MAGI2: variants seen among roughly 807,000 people sequenced by gnomAD.
MAGI2 encodes membrane-associated guanylate kinase, WW and PDZ domain-containing protein 2.
Under a neutral mutation model 133.3 loss-of-function variants are expected in MAGI2, and 35 were observed. The ratio of observed to expected loss-of-function variants is 0.26; its 90% CI spans 0.20 to 0.35. MAGI2 has a LOEUF of 0.35. MAGI2 is among the 10% of genes least tolerant of loss of function. MAGI2 has a pLI of 1.00. For synonymous variants in MAGI2, 729 were observed against 710.6 expected (o/e 1.03, Z -0.41); for missense variants, 1,636 against 1,863.4 (o/e 0.88, Z 2.25).
At chr7:78,685,468 T>A (rs961277291) in intron 2 of MAGI2, among the ~76,000 whole-genome samples, 7 of 9,770 alleles carry the variant, frequency 7.2e-4, no homozygotes, top group Non-Finnish European at 1.1e-3. Context: ...TCATTGTCGT[T>A]TTTTTTTTTT....
chr7:78,574,179 A>G (rs1400623484), intron 3 of MAGI2, among the ~76,000 whole-genome samples: 1 of 152,200 alleles, frequency 6.6e-6, no homozygotes, highest in African/African-American at 2.4e-5. Flanking sequence ...ACCTTCAGCA[A>G]GCCCCAGTGC....
intron 2 of MAGI2, among the ~76,000 whole-genome samples, chr7:78,903,172 C>CTTTTTTTTTTTTTTTTTTTTTTTTTT (rs10526268): frequency 1.8e-5 from 1 of 56,120 alleles, no homozygotes; most frequent in Non-Finnish European, 3.2e-5. Context: ...GTTCCTGAAT[C>CTTTTTTTTTTTTTTTTTTTTTTTTTT]TTTTTTTTTT....
At chr7:79,386,311 A>G (rs1736992598) in intron 1 of MAGI2, among the ~76,000 whole-genome samples, 1 of 152,036 alleles carries the variant, frequency 6.6e-6, no homozygotes, top group African/African-American at 2.4e-5. Flanking sequence ...ATGCCCAGTC[A>G]CTTCTGGTGA....
At chr7:79,119,445 G>A (rs939831695) in intron 1 of MAGI2, among the ~76,000 whole-genome samples, 3 of 152,036 alleles carry the variant, frequency 2.0e-5, no homozygotes, top group South Asian at 2.1e-4. Flanking sequence ...CAATCTGGCC[G>A]AGATTGTAAA....
chr7:78,083,507 CA>C (rs973683756), intron 20 of MAGI2, among the ~76,000 whole-genome samples: 8 of 151,302 alleles, frequency 5.3e-5, no homozygotes, highest in Non-Finnish European at 1.0e-4. Context: ...TTATGTGGGT[CA>C]AGGAAATGCC....
chr7:78,447,461 C>T (rs1338561651), intron 6 of MAGI2, among the ~76,000 whole-genome samples: 1 of 151,440 alleles, frequency 6.6e-6, no homozygotes, highest in East Asian at 1.9e-4. Flanking sequence ...TAGAAATTAT[C>T]TGGGATAATG....
chr7:78,081,159 C>T (rs1428299792), intron 20 of MAGI2, among the ~76,000 whole-genome samples: 1 of 152,162 alleles, frequency 6.6e-6, no homozygotes. Flanking sequence ...CGACTCTATG[C>T]TCTTCACAAG....
chr7:79,292,079 T>A (rs948893028), intron 1 of MAGI2, among the ~76,000 whole-genome samples: 26 of 152,196 alleles, frequency 1.7e-4, no homozygotes, highest in Non-Finnish European at 3.7e-4. Flanking sequence ...TTAATTTTTA[T>A]ATGTGATGTG....
chr7:79,446,981 A>C (rs531063867), intron 1 of MAGI2, among the ~76,000 whole-genome samples: 1 of 152,306 alleles, frequency 6.6e-6, no homozygotes. Flanking sequence ...GTGAAAAAAT[A>C]AAAGTACATC....
intron 2 of MAGI2, among the ~76,000 whole-genome samples, chr7:78,911,965 G>C (rs1010112602): frequency 2.6e-5 from 4 of 152,006 alleles, no homozygotes; most frequent in African/African-American, 9.7e-5. Context: ...TGTCTTTTAC[G>C]GGAACACAGA....
intron 2 of MAGI2, among the ~76,000 whole-genome samples, chr7:78,827,359 G>A (rs538158913): frequency 6.6e-6 from 1 of 152,176 alleles, no homozygotes; most frequent in South Asian, 2.1e-4. Flanking sequence ...GCTCACTGCA[G>A]CCTCAAACTC....
rs990368568 is a variant in MAGI2 at position 78,382,626 on chromosome 7, G to T, written c.1046-13413C>A. 8.6e-5 allele frequency among the ~76,000 whole-genome samples: 13 copies of T among 152,016 alleles called. No homozygotes were observed. The East Asian group carries it at 2.3e-3, about 27-fold the overall frequency. On this transcript the variant is annotated intron_variant, in intron 6 of 21. Coordinates refer to ENST00000354212, the MANE Select transcript of MAGI2 (RefSeq NM_012301.4). ...TATAATGCATAGTGATCAAGTCAGG[G>T]TATTAGGGTGTCTACCACCCTAGTA...
chr7:78,337,750 T>C (rs943063287), intron 9 of MAGI2, among the ~76,000 whole-genome samples: 1 of 152,238 alleles, frequency 6.6e-6, no homozygotes, highest in Non-Finnish European at 1.5e-5. Context: ...TTAAATTTCA[T>C]CCAGAAAATG....
intron 2 of MAGI2, among the ~76,000 whole-genome samples, chr7:78,726,380 A>G (rs565548441): frequency 1.3e-5 from 2 of 152,336 alleles, no homozygotes; most frequent in East Asian, 1.9e-4. Context: ...CTTGAAATGT[A>G]TCTTTGTCTC....
At chr7:78,723,406 A>G (rs10281083) in intron 2 of MAGI2, among the ~76,000 whole-genome samples, 7 of 152,208 alleles carry the variant, frequency 4.6e-5, no homozygotes, top group Non-Finnish European at 1.0e-4. Flanking sequence ...TGCATATTTA[A>G]TAAGAACCAT....
intron 9 of MAGI2, among the ~76,000 whole-genome samples, chr7:78,281,580 T>G (rs1795585944): frequency 6.6e-6 from 1 of 152,170 alleles, no homozygotes; most frequent in East Asian, 1.9e-4. Flanking sequence ...CTTTAGAAAT[T>G]ACCCAGTCTC....
intron 1 of MAGI2, among the ~76,000 whole-genome samples, chr7:79,422,712 T>G (rs1339197583): frequency 6.6e-6 from 1 of 152,034 alleles, no homozygotes; most frequent in African/African-American, 2.4e-5. Flanking sequence ...GTTTTTCTAC[T>G]AACAATTTTG....
rs147038550 is a variant in MAGI2, at chr7:78,074,920, C to T, written c.3706+4027G>A. 7.5e-3 allele frequency among the ~76,000 whole-genome samples: 1,135 copies of T among 152,328 alleles called. 15 individuals are homozygous for T. Among genetic ancestry groups the T allele is most frequent in the African/African-American group, 0.025 (1,050 of 41,580 alleles). ...GGTTAACAGAGCAGGCCTGAGACTG[C>T]TCTCCTTAGAAAGGCCAGCTTTCGA... On this transcript the variant is annotated intron_variant, in intron 21 of 21. Coordinates refer to ENST00000354212, the MANE Select transcript of MAGI2 (RefSeq NM_012301.4).
chr7:78,406,749 T>C (rs892743644), intron 6 of MAGI2, among the ~76,000 whole-genome samples: 1 of 152,064 alleles, frequency 6.6e-6, no homozygotes, highest in South Asian at 2.1e-4. Context: ...GCCAAACACT[T>C]TACACAGCTG....
Sources: allele counts gnomAD v4.1 joint callset (sites outside exome capture counted in the v4.1 genomes callset), GRCh38; gene constraint gnomAD v4.1.1; transcripts MANE v1.5; gene names NCBI Gene and HGNC (gene_info 2026-07-23, HGNC 2026-07-21).